MTOR: variants seen among roughly 807,000 people sequenced by gnomAD.
MTOR encodes serine/threonine-protein kinase mTOR.
Under a neutral mutation model 319.8 loss-of-function variants are expected in MTOR, and 70 were observed. The observed-to-expected ratio is 0.22, with a 90% confidence interval of 0.18 to 0.27. MTOR has a LOEUF of 0.27. Among genes scored for constraint, MTOR ranks in the 10% least tolerant of loss-of-function variants. The pLI is 1.00. For missense variants in MTOR, 1,890 were observed against 3,274.4 expected, an observed-to-expected ratio of 0.58 and a Z score of 10.32; for synonymous variants, 1,183 against 1,211.4, an observed-to-expected ratio of 0.98 and a Z score of 0.49.
At chr1:11,154,152 CTTG>C (rs1229616722) in intron 30 of MTOR, among the ~76,000 whole-genome samples, 2 of 133,896 alleles carry the variant, frequency 1.5e-5, no homozygotes, top group Admixed American at 1.6e-4. Flanking sequence ...GCTTTAGATA[CTTG>C]TTGGACTGAG....
intron 19 of MTOR, among the ~76,000 whole-genome samples, chr1:11,219,932 C>G (rs1646602580): frequency 6.7e-6 from 1 of 150,132 alleles, no homozygotes; most frequent in African/African-American, 2.4e-5. Context: ...ACTCAGGAGG[C>G]TGAGGCATGA....
rs547455002 is a variant in MTOR, at chr1:11,242,538, C to T, written c.1412+576G>A. On this transcript the variant is annotated intron_variant, in intron 9 of 57. Coordinates refer to ENST00000361445, the MANE Select transcript of MTOR (RefSeq NM_004958.4). ...AAAAAAAAAAAAAGAATGAGTGGGG[C>T]GTATTAATTCACCACAGCAATCTTC... Among the ~76,000 whole-genome samples the T allele has an allele frequency of 9.0e-4, 116 of 128,180 alleles. 1 individual carries two copies. Among genetic ancestry groups the T allele is most frequent in the Non-Finnish European group, 1.6e-3 (93 of 59,926 alleles). 84.1% of individuals were successfully genotyped at this position (128,180 alleles called of 152,430 possible).
Position 11,212,983 on chromosome 1 carries a change from G to A in MTOR, c.3286-75C>T, listed in dbSNP as rs1260419798. On this transcript the variant is annotated intron_variant, in intron 21 of 57. Transcript: ENST00000361445. The surrounding 1 kb of genome is among the most constrained non-coding windows in gnomAD (Gnocchi z 4.1). ...CTAAGGACACGCAGCGGGTGGTGGT[G>A]TAGACAATTCAAAGTTCTCTGGGGA... is the stretch of plus-strand genomic sequence containing the variant. The A allele has an allele frequency of 8.5e-7, 1 of 1,181,198 alleles. No homozygotes were observed. The highest frequency in any genetic ancestry group is 1.5e-5 in the African/African-American group (1 of 66,414). The allele number at this position is 1,181,198 out of a possible 1,614,324, so 73.2% of individuals were successfully genotyped here.
chr1:11,181,733 T>C (rs1434567627), intron 28 of MTOR, among the ~76,000 whole-genome samples: 1 of 152,202 alleles, frequency 6.6e-6, no homozygotes, highest in Non-Finnish European at 1.5e-5. Flanking sequence ...TAAGTCTCCA[T>C]AATAGATATT....
Position 11,212,333 on chromosome 1 carries a change from A to C in MTOR, c.3540T>G (p.Leu1180=), listed in dbSNP as rs1646338851. The change falls in exon 23 of 58, where the codon CTT becomes CTG. Residue 1180 remains leucine (L), a synonymous_variant. Transcript: ENST00000361445. The surrounding 1 kb of genome is among the most constrained non-coding windows in gnomAD (Gnocchi z 4.1). ...RSTAMDTLSS[L]VFQLGKKYQI... ...TTACCTTCTTCCCCAGCTGAAAAAC[A>C]AGTGAAGACAGCGTGTCCATGGCTG... is the stretch of plus-strand genomic sequence containing the variant. The C allele has an allele frequency of 6.2e-7, 1 of 1,613,752 alleles. No homozygotes were observed. Among genetic ancestry groups the C allele is most frequent in the African/African-American group, 1.3e-5 (1 of 74,914 alleles).
chr1:11,119,334 A>T (rs544378462), intron 49 of MTOR, among the ~76,000 whole-genome samples: 49 of 152,042 alleles, frequency 3.2e-4, no homozygotes, highest in African/African-American at 1.2e-3. Flanking sequence ...TGAGAGGCTG[A>T]GGCGGGCGGA....
intron 26 of MTOR, among the ~76,000 whole-genome samples, chr1:11,203,178 A>C (rs1646034619): frequency 6.6e-6 from 1 of 152,096 alleles, no homozygotes; most frequent in Admixed American, 6.5e-5. Context: ...GCGCCACTGC[A>C]CTCCAGCCTG....
intron 18 of MTOR, 50 bp downstream of exon 18, chr1:11,230,875 G>A (rs2100865407): frequency 3.7e-6 from 6 of 1,611,006 alleles, no homozygotes; most frequent in Admixed American, 1.7e-5. Context: ...ACCAGCAAGG[G>A]CTCTGTGAGT....
intron 30 of MTOR, among the ~76,000 whole-genome samples, chr1:11,155,408 T>C (rs1644286633): frequency 1.3e-5 from 2 of 151,714 alleles, no homozygotes; most frequent in African/African-American, 4.8e-5. Context: ...TTTAAGAAAA[T>C]GGCAGCAAAA....
Position 11,243,157 on chromosome 1 carries a change from C to T in MTOR, c.1369G>A (p.Asp457Asn), listed in dbSNP as rs1467559082. 1 of 1,614,180 alleles carries T rather than the reference C, an allele frequency of 6.2e-7. No homozygotes were observed. ...EFKVYLPRVL[D>N]IIRAALPPKD... The stretch of plus-strand genomic sequence containing the variant: ...GGGGGCAGGGCCGCTCGGATGATGT[C>T]CAGCACGCGAGGCAAATAGACCTTA... Residue 457 changes from aspartate (D) to asparagine (N), a missense_variant, in exon 9 of 58, where the codon GAC (aspartate) becomes AAC (asparagine). Asp to Asn is a conservative substitution (Grantham distance 23, BLOSUM62 1). Transcript: ENST00000361445.
chr1:11,237,775 C>T lies in MTOR; in HGVS notation c.2208+68G>A, dbSNP rs985121150. The T allele has an allele frequency of 3.2e-6, 5 of 1,562,700 alleles. No individual in the cohort carries two copies. In the Admixed American group the frequency reaches 6.7e-5, roughly 21 times the overall value. On this transcript the variant is annotated intron_variant, in intron 13 of 57. Coordinates refer to ENST00000361445, the MANE Select transcript of MTOR (RefSeq NM_004958.4). The stretch of plus-strand genomic sequence containing the variant: ...CCCATCCTTGTCCTCAACTCCGCTT[C>T]CTCAAGCAGTTCTCACAGCGAGAGT...
intron 9 of MTOR, among the ~76,000 whole-genome samples, chr1:11,242,455 G>A (rs761133388): frequency 2.3e-4 from 29 of 128,660 alleles, no homozygotes; most frequent in Non-Finnish European, 3.8e-4. Context: ...ACCCAAGACC[G>A]TGCCACTGCA....
Position 11,212,521 on chromosome 1 carries a change from A to G in MTOR, c.3399-47T>C. The G allele has an allele frequency of 3.8e-6, 6 of 1,588,284 alleles. No individual in the cohort carries two copies. Among genetic ancestry groups the G allele is most frequent in the Non-Finnish European group, 5.1e-6 (6 of 1,167,034 alleles). On this transcript the variant is annotated intron_variant, in intron 22 of 57. Transcript: ENST00000361445. This position sits in a 1 kb window ranked among gnomAD's most constrained non-coding sequence, Gnocchi z 4.1. Reference sequence around the variant, plus strand: ...AGTAACTGCTAACATACAATCTCCAAGGAAGAGACGTGACTGAGGGTGAGC... The same window carrying G: ...AGTAACTGCTAACATACAATCTCCAGGGAAGAGACGTGACTGAGGGTGAGC...
chr1:11,193,528 T>C (rs1280723130), intron 28 of MTOR: 4 of 1,518,690 alleles, frequency 2.6e-6, no homozygotes, highest in Middle Eastern at 1.8e-4. Flanking sequence ...GCCCTCTTGC[T>C]CCTGCCTTCT....
At chr1:11,221,705 CAT>C (rs778406394) in intron 19 of MTOR, among the ~76,000 whole-genome samples, 39 of 147,594 alleles carry the variant, frequency 2.6e-4, no homozygotes, top group Admixed American at 1.2e-3. Context: ...ATTATATATA[CAT>C]ATATATATAG....
chr1:11,153,690 C>G (rs1334298478), intron 30 of MTOR, among the ~76,000 whole-genome samples: 1 of 152,156 alleles, frequency 6.6e-6, no homozygotes. Context: ...CTGTCCAATA[C>G]AGCAGCCACT....
chr1:11,149,611 T>A (rs531389738), intron 31 of MTOR: 1 of 153,358 alleles, frequency 6.5e-6, no homozygotes, highest in East Asian at 1.9e-4. Context: ...GGAGGAGGGT[T>A]ATGGGAACCC....
chr1:11,260,142 G>A (rs957236831), intron 1 of MTOR, among the ~76,000 whole-genome samples: 3 of 152,198 alleles, frequency 2.0e-5, no homozygotes, highest in Non-Finnish European at 2.9e-5. Context: ...CAAAATGCCA[G>A]GTAACAAATG....
In MTOR at chr1:11,247,667, A is replaced by G; in HGVS notation, c.1183T>C (p.Leu395=). The stretch of plus-strand genomic sequence containing the variant: ...CGGAATGCAGCCAAGCGGGGCAACA[A>G]ATTAAGGATTGTCATTTGGATCAGC... The part of the protein sequence containing the change: ...NSLIQMTILN[L]LPRLAAFRPS... The change falls in exon 8 of 58, where the codon TTG becomes CTG. Residue 395 remains leucine (L), a synonymous_variant. Coordinates refer to ENST00000361445, the MANE Select transcript of MTOR (RefSeq NM_004958.4). 6.2e-7 allele frequency: 1 copy of G among 1,614,178 alleles called. No individual in the cohort carries two copies. Among genetic ancestry groups the G allele is most frequent in the Non-Finnish European group, 8.5e-7 (1 of 1,180,034 alleles).
Sources: gnomAD v4.1 joint callset for allele counts (sites outside exome capture counted in the v4.1 genomes callset) on GRCh38, gnomAD v4.1.1 for gene constraint, Gnocchi (gnomAD v3.1) non-coding constraint, MANE v1.5 for transcripts, NCBI Gene and HGNC (gene_info 2026-07-23, HGNC 2026-07-21) for gene names.